The following DDX6 variants were observed in gnomAD, a reference collection of about 807,000 sequenced individuals.
DDX6 encodes DEAD-box helicase 6.
Under a neutral mutation model 60.6 loss-of-function variants are expected in DDX6, and 7 were observed. The observed-to-expected ratio is 0.12, with a 90% CI of 0.07 to 0.22. DDX6 has a LOEUF of 0.22. DDX6 is among the 10% of genes least tolerant of loss of function. DDX6 has a pLI of 1.00. For synonymous variants in DDX6, 207 were observed against 201.0 expected, an observed-to-expected ratio of 1.03 and a Z score of -0.25; for missense variants, 270 against 589.9, an observed-to-expected ratio of 0.46 and a Z score of 5.62.
intron 7 of DDX6, among the ~76,000 whole-genome samples, chr11:118,761,860 GGAA>G (rs1861179770): frequency 2.5e-5 from 1 of 40,210 alleles, no homozygotes; most frequent in African/African-American, 7.1e-5. Context: ...AAAATTAAAT[GGAA>G]AAAAAAAAAA....
At chr11:118,762,287 T>A (rs584420) in intron 7 of DDX6, among the ~76,000 whole-genome samples, 55,011 of 124,274 alleles carry the variant, frequency 0.44, 10,989 homozygotes, top group East Asian at 0.49. Flanking sequence ...AAAAAAAAAA[T>A]AATAATAATA....
chr11:118,780,168 A>G (rs1290732196), intron 3 of DDX6, among the ~76,000 whole-genome samples: 7 of 148,766 alleles, frequency 4.7e-5, no homozygotes, highest in African/African-American at 1.7e-4. Context: ...TGACTTTAGT[A>G]CTTTACCTGC....
At chr11:118,764,989 A>G (rs1200496861) in intron 6 of DDX6, among the ~76,000 whole-genome samples, 1 of 152,202 alleles carries the variant, frequency 6.6e-6, no homozygotes, top group Non-Finnish European at 1.5e-5. Flanking sequence ...TTAAACAGGT[A>G]AAATTATTAT....
rs580079 is a variant in DDX6 at position 118,754,900 on chromosome 11, C to T, written c.1277-13G>A. On this transcript the variant is annotated splice_polypyrimidine_tract_variant and intron_variant, in intron 12 of 13. Transcript: ENST00000534980. ...TGACCAAAGCGACCTAAAAAACATG[C>T]GTTTAAAAATTTTAATGAATAAAAT... 0.87 allele frequency: 1,383,211 copies of T among 1,584,662 alleles called. 604,641 individuals are homozygous for T. Among genetic ancestry groups the T allele is most frequent in the East Asian group, 1 (44,615 of 44,628 alleles).
intron 3 of DDX6, among the ~76,000 whole-genome samples, chr11:118,780,607 G>A (rs1433943895): frequency 7.2e-5 from 11 of 152,156 alleles, no homozygotes; most frequent in Non-Finnish European, 2.9e-5. Flanking sequence ...AAGAGCCACT[G>A]TGCCCGGCCC....
At chr11:118,780,699 T>C (rs1555164520) in intron 3 of DDX6, among the ~76,000 whole-genome samples, 1 of 152,168 alleles carries the variant, frequency 6.6e-6, no homozygotes, top group African/African-American at 2.4e-5. Flanking sequence ...AATCACAAGA[T>C]ATGAAGTTAA....
intron 7 of DDX6, among the ~76,000 whole-genome samples, chr11:118,760,485 T>C (rs1480474506): frequency 2.0e-5 from 3 of 152,090 alleles, no homozygotes; most frequent in African/African-American, 4.8e-5. Flanking sequence ...AGAATTTTAA[T>C]GTGATGATTC....
chr11:118,780,516 C>T (rs1449763180), intron 3 of DDX6, among the ~76,000 whole-genome samples: 2 of 152,162 alleles, frequency 1.3e-5, no homozygotes. Flanking sequence ...AGGGTTTCAA[C>T]ATGTTGGCCA....
At chr11:118,759,176 C>T (rs1157693183) in intron 8 of DDX6, 5 of 305,352 alleles carry the variant, frequency 1.6e-5, no homozygotes, top group East Asian at 8.2e-5. Flanking sequence ...TCTCCTGCCT[C>T]GGCCTCCCGA....
Position 118,767,228 on chromosome 11 carries a change from G to A in DDX6, c.499+995C>T, listed in dbSNP as rs572214027. Among the ~76,000 whole-genome samples, 22 of 152,174 alleles carry A rather than the reference G, an allele frequency of 1.4e-4. No individual in the cohort carries two copies. The South Asian group carries it at 2.9e-3, about 20-fold the overall frequency. ...TACAAACTTTCAGCATGTTGAGTTC[G>A]CAACTATTAGCTCAAAGTTTATTAA... is the stretch of plus-strand genomic sequence containing the variant. On this transcript the variant is annotated intron_variant, in intron 5 of 13. Coordinates refer to ENST00000534980, the MANE Select transcript of DDX6 (RefSeq NM_004397.6).
chr11:118,789,458 C>G (rs1216397564), intron 1 of DDX6: 1 of 151,948 alleles, frequency 6.6e-6, no homozygotes, highest in African/African-American at 2.4e-5. Context: ...ATGTGAAACT[C>G]AAAATTTTAA....
chr11:118,772,810 G>C (rs1008488778), intron 4 of DDX6, among the ~76,000 whole-genome samples: 1 of 152,128 alleles, frequency 6.6e-6, no homozygotes, highest in Non-Finnish European at 1.5e-5. Flanking sequence ...CCTTTACTAA[G>C]TAACACCCCA....
At position 118,785,946 on chromosome 11, in the gene DDX6, G is replaced by C; in HGVS notation, c.200+106C>G. 4.9e-6 allele frequency: 5 copies of C among 1,027,112 alleles called. No homozygotes were observed. In the South Asian group the frequency reaches 7.1e-5, roughly 15 times the overall value. The allele number at this position is 1,027,112 out of a possible 1,614,324, so 63.6% of individuals were successfully genotyped here. ...AACAAAGTCATCTGTCCTCTATTTG[G>C]AATCAAAATGGTTAAATTAAGGCAT... On this transcript the variant is annotated intron_variant, in intron 2 of 13. Transcript: ENST00000534980.
chr11:118,777,941 G>A (rs1861759483), intron 4 of DDX6, among the ~76,000 whole-genome samples: 4 of 139,804 alleles, frequency 2.9e-5, no homozygotes, highest in African/African-American at 1.0e-4. Context: ...GAAAAATGAA[G>A]GGGACACATC....
intron 1 of DDX6, 183 bp from the exon 2 acceptor site, chr11:118,786,701 A>C: frequency 6.1e-6 from 1 of 165,054 alleles, no homozygotes; most frequent in Non-Finnish European, 1.3e-5. Flanking sequence ...CAAAAACACA[A>C]TGAGGCCAAT....
intron 5 of DDX6, 135 bp downstream of exon 5, chr11:118,768,088 A>G (rs1451260129): frequency 1.1e-6 from 1 of 901,542 alleles, no homozygotes; most frequent in African/African-American, 1.7e-5. Flanking sequence ...AGGCTAAAAA[A>G]AGAAAAAACC....
At chr11:118,766,873 C>G (rs1387847908) in intron 5 of DDX6, among the ~76,000 whole-genome samples, 1 of 148,696 alleles carries the variant, frequency 6.7e-6, no homozygotes. Flanking sequence ...GTCACTGCAC[C>G]TGGCCTTCTG....
chr11:118,761,593 G>A (rs1043138174), intron 7 of DDX6, among the ~76,000 whole-genome samples: 1 of 151,506 alleles, frequency 6.6e-6, no homozygotes, highest in Non-Finnish European at 1.5e-5. Context: ...CTCCAAGCGG[G>A]GCAACGAGAC....
intron 3 of DDX6, among the ~76,000 whole-genome samples, chr11:118,780,349 G>A (rs907724376): frequency 3.9e-5 from 6 of 151,950 alleles, no homozygotes; most frequent in South Asian, 2.1e-4. Flanking sequence ...ATGGAGTCTC[G>A]CTCTGTCACC....
Sources: gnomAD v4.1 joint callset for allele counts (sites outside exome capture counted in the v4.1 genomes callset) on GRCh38, gnomAD v4.1.1 for gene constraint, MANE v1.5 for transcripts, NCBI Gene and HGNC (gene_info 2026-07-23, HGNC 2026-07-21) for gene names.